Variants in STAC observed in about 807,000 individuals in gnomAD.
STAC encodes SH3 and cysteine-rich domain-containing protein.
A neutral mutation model predicts 48.8 loss-of-function variants in STAC; 43 were observed. The ratio of observed to expected loss-of-function variants is 0.88; its 90% CI spans 0.69 to 1.14. STAC has a LOEUF of 1.14. Ranked by LOEUF, STAC falls within the 50% of genes most tolerant of loss-of-function variation. The probability of loss-of-function intolerance (pLI) is 0.00; values close to 1 mark genes in which losing one functional copy is unlikely to be tolerated. For missense variants in STAC, 497 were observed against 504.0 expected (o/e 0.99, Z 0.13); for synonymous variants, 193 against 179.5 (o/e 1.07, Z -0.60).
chr3:36,424,693 G>C (rs548281730), intron 1 of STAC, among the ~76,000 whole-genome samples: 2 of 152,066 alleles, frequency 1.3e-5, no homozygotes, highest in African/African-American at 4.8e-5. Flanking sequence ...TAAAAAGTAG[G>C]GAAGTGTTCA....
intron 10 of STAC, among the ~76,000 whole-genome samples, chr3:36,534,500 A>G (rs1266723658): frequency 1.3e-5 from 2 of 152,212 alleles, no homozygotes; most frequent in Non-Finnish European, 2.9e-5. Flanking sequence ...AAGAAATTTG[A>G]TTCTAAAGAT....
intron 1 of STAC, among the ~76,000 whole-genome samples, chr3:36,391,608 C>T (rs1038468296): frequency 2.0e-5 from 3 of 152,162 alleles, no homozygotes; most frequent in African/African-American, 7.2e-5. Context: ...CTCATGTGCT[C>T]TTCTGCTGAT....
rs1177468187 is a variant in STAC, at chr3:36,546,547, CAGT to C, written c.*261_*263del. The stretch of plus-strand genomic sequence containing the variant: ...AGCCAGATGCCATGCTTGGCAGCAG[CAGT>C]AGGACTATAAACCACAGCTGTCCCC... On this transcript the variant is annotated 3_prime_UTR_variant, in exon 11 of 11. Transcript: ENST00000273183. 7.4e-6 allele frequency: 4 copies of C among 542,822 alleles called. No individual in the cohort carries two copies. Among genetic ancestry groups the C allele is most frequent in the Admixed American group, 3.1e-5 (1 of 32,484 alleles). The allele number at this position is 542,822 out of a possible 1,614,324, so 33.6% of individuals were successfully genotyped here. A position where few individuals can be genotyped will look rare whatever the true frequency, so the allele number is the denominator to read the frequency against.
At chr3:36,475,321 G>C (rs897922437) in intron 2 of STAC, among the ~76,000 whole-genome samples, 1 of 151,710 alleles carries the variant, frequency 6.6e-6, no homozygotes, top group South Asian at 2.1e-4. Flanking sequence ...TGATTTCTTA[G>C]ATTTTGAAGC....
At chr3:36,435,979 A>T (rs532051743) in intron 1 of STAC, among the ~76,000 whole-genome samples, 6 of 152,076 alleles carry the variant, frequency 3.9e-5, no homozygotes, top group Non-Finnish European at 7.4e-5. Flanking sequence ...CTGTCCTCAG[A>T]TCACTTCTCC....
intron 1 of STAC, among the ~76,000 whole-genome samples, chr3:36,414,555 T>G (rs932220136): frequency 1.5e-4 from 23 of 152,192 alleles, no homozygotes; most frequent in Non-Finnish European, 2.5e-4. Flanking sequence ...TCTGCATTGG[T>G]TATTCTAGTT....
intron 1 of STAC, among the ~76,000 whole-genome samples, chr3:36,408,355 G>C (rs1224679714): frequency 6.6e-6 from 1 of 152,078 alleles, no homozygotes; most frequent in Non-Finnish European, 1.5e-5. Flanking sequence ...CACTAGCCCA[G>C]TTATTGTCAT....
intron 2 of STAC, among the ~76,000 whole-genome samples, chr3:36,475,273 T>C (rs73827517): frequency 6.6e-6 from 1 of 151,062 alleles, no homozygotes; most frequent in African/African-American, 2.4e-5. Flanking sequence ...TTTTTTTTTT[T>C]AATTCTACTA....
At chr3:36,421,899 T>C (rs886485755) in intron 1 of STAC, among the ~76,000 whole-genome samples, 3 of 152,148 alleles carry the variant, frequency 2.0e-5, no homozygotes, top group African/African-American at 7.2e-5. Flanking sequence ...TCTAATCTAG[T>C]TTGGTCATCT....
intron 10 of STAC, among the ~76,000 whole-genome samples, chr3:36,539,632 C>A (rs1000746445): frequency 6.6e-6 from 1 of 152,000 alleles, no homozygotes; most frequent in Non-Finnish European, 1.5e-5. Flanking sequence ...CATTGATGGG[C>A]ATTTAGGTTG....
intron 1 of STAC, among the ~76,000 whole-genome samples, chr3:36,429,737 C>T (rs1430806881): frequency 6.6e-6 from 1 of 152,128 alleles, no homozygotes; most frequent in Admixed American, 6.5e-5. Flanking sequence ...CCTCAGGGTC[C>T]ACAGGAACAT....
intron 8 of STAC, among the ~76,000 whole-genome samples, chr3:36,516,078 G>C (rs1418433540): frequency 6.8e-6 from 1 of 147,614 alleles, no homozygotes; most frequent in African/African-American, 2.5e-5. Flanking sequence ...CCACCTCCCA[G>C]GTTCAAGTGA....
chr3:36,406,639 G>A (rs1700093129), intron 1 of STAC, among the ~76,000 whole-genome samples: 1 of 152,234 alleles, frequency 6.6e-6, no homozygotes. Flanking sequence ...AGCTGAGCAA[G>A]CTACAGTCTG....
intron 1 of STAC, among the ~76,000 whole-genome samples, chr3:36,400,818 A>G (rs1699986228): frequency 6.6e-6 from 1 of 152,122 alleles, no homozygotes; most frequent in Non-Finnish European, 1.5e-5. Flanking sequence ...TATTGCTTTG[A>G]CCATAATTAC....
chr3:36,484,995 T>A lies in STAC; in HGVS notation c.508T>A (p.Tyr170Asn), dbSNP rs535475292. Residue 170 changes from tyrosine (Y) to asparagine (N), a missense_variant, in exon 4 of 11, where the codon TAC (tyrosine) becomes AAC (asparagine). Tyr to Asn is a moderately radical substitution (Grantham distance 143). Transcript: ENST00000273183. ...MGKLPKGFRRYYSSPLLIHEQ... is the reference protein window; with the variant it reads ...MGKLPKGFRRNYSSPLLIHEQ... ...TCTCCAGCCAAAGGGGTTTCGGCGTTACTACAGCTCCCCCTTGCTCATTCA... is the reference window on the plus strand; with the variant it reads ...TCTCCAGCCAAAGGGGTTTCGGCGTAACTACAGCTCCCCCTTGCTCATTCA... 1 of 1,602,588 alleles carries A rather than the reference T, an allele frequency of 6.2e-7. No individual in the cohort carries two copies.
chr3:36,474,151 A>G (rs1409310513), intron 2 of STAC, among the ~76,000 whole-genome samples: 1 of 152,188 alleles, frequency 6.6e-6, no homozygotes, highest in Non-Finnish European at 1.5e-5. Flanking sequence ...ACATCCCTAC[A>G]GCAGCTGGCC....
rs58981589 is a variant in STAC at position 36,533,475 on chromosome 3, G to GTTTTT, written c.1110+4513_1110+4517dup. On this transcript the variant is annotated intron_variant, in intron 10 of 10. Transcript: ENST00000273183. ...TGTTACTCAATAATCTTGCTAGCAT[G>GTTTTT]TTTTTTTTTTTTTTTTTTTTTTTTT... 2.0e-4 allele frequency among the ~76,000 whole-genome samples: 12 copies of GTTTTT among 61,430 alleles called. 1 individual carries two copies. The highest frequency in any genetic ancestry group is 7.7e-4 in the African/African-American group (12 of 15,604). 40.3% of individuals were successfully genotyped at this position (61,430 alleles called of 152,430 possible).
intron 1 of STAC, among the ~76,000 whole-genome samples, chr3:36,421,127 C>G (rs764213264): frequency 7.2e-5 from 11 of 152,054 alleles, no homozygotes; most frequent in Non-Finnish European, 1.3e-4. Flanking sequence ...TTTTTCCTCT[C>G]TGATTCTGGA....
intron 10 of STAC, among the ~76,000 whole-genome samples, chr3:36,529,730 T>A (rs1411689659): frequency 6.6e-6 from 1 of 152,212 alleles, no homozygotes; most frequent in Non-Finnish European, 1.5e-5. Flanking sequence ...CCTGTCTTTG[T>A]CTTCCAGCAG....
Sources: gnomAD v4.1 joint callset for allele counts (sites outside exome capture counted in the v4.1 genomes callset) on GRCh38, gnomAD v4.1.1 for gene constraint, MANE v1.5 for transcripts, NCBI Gene and HGNC (gene_info 2026-07-23, HGNC 2026-07-21) for gene names.